The following LAMB4 variants were observed in gnomAD, a reference collection of about 807,000 sequenced individuals.
LAMB4 encodes laminin subunit beta 4.
In LAMB4, 196 loss-of-function variants were observed where a neutral mutation model predicts 199.2. The ratio of observed to expected loss-of-function variants is 0.98; its 90% confidence interval spans 0.88 to 1.11. The LOEUF (loss-of-function observed/expected upper bound fraction) is 1.11. LAMB4 is among the 50% of genes least tolerant of loss of function. The pLI is 0.00. For synonymous variants in LAMB4, 744 were observed against 770.6 expected (o/e 0.97, Z 0.57); for missense variants, 2,080 against 2,171.2 (o/e 0.96, Z 0.83).
In LAMB4 at chr7:108,119,608, A is replaced by C. The variant is rs912731976; in HGVS notation, c.35-3447T>G. Among the ~76,000 whole-genome samples the C allele has an allele frequency of 8.5e-5, 13 of 152,158 alleles. 1 individual carries two copies. Among genetic ancestry groups the C allele is most frequent in the African/African-American group, 2.4e-4 (10 of 41,422 alleles). ...GATTAGTGGTTGTCAGTGGTTAGGA[A>C]GGCAGAGGGGGAGGGAGGTGGATGT... On this transcript the variant is annotated intron_variant, in intron 2 of 33. Coordinates refer to ENST00000388781, the MANE Select transcript of LAMB4 (RefSeq NM_007356.3).
At position 108,123,151 on chromosome 7, in the gene LAMB4, A is replaced by C. The variant is rs375868390; in HGVS notation, c.14T>G (p.Leu5Arg). Residue 5 changes from leucine (L) to arginine (R), a missense_variant, in exon 2 of 34, where the codon CTG (leucine) becomes CGG (arginine). Leu to Arg is a moderately radical substitution (Grantham distance 102). Coordinates refer to ENST00000388781, the MANE Select transcript of LAMB4 (RefSeq NM_007356.3). ...CTCACCAAGGTGCAAAAAAAGGGTC[A>C]GTTGAAATTGCATTCTTTTGTCAGG... MQFQ[L>R]TLFLHLGWLS... 16 of 1,611,220 alleles carry C rather than the reference A, an allele frequency of 9.9e-6. No individual in the cohort carries two copies. Among genetic ancestry groups the C allele is most frequent in the Admixed American group, 1.7e-5 (1 of 58,992 alleles).
rs754520007 is a variant in LAMB4, at chr7:108,047,952, T to C, written c.4282A>G (p.Ile1428Val). 1 of 1,614,174 alleles carries C rather than the reference T, an allele frequency of 6.2e-7. No individual in the cohort carries two copies. Among genetic ancestry groups the C allele is most frequent in the Non-Finnish European group, 8.5e-7 (1 of 1,180,024 alleles). Residue 1428 changes from isoleucine to valine, a missense_variant, in exon 28 of 34, where the codon ATT (isoleucine) becomes GTT (valine). By Grantham distance (29) the Ile-to-Val change is conservative (BLOSUM62 3). Coordinates refer to ENST00000388781, the MANE Select transcript of LAMB4 (RefSeq NM_007356.3). ...ALQKAQEAKS[I>V]IRNLDKQVRG... ...ACCTGTTTGTCCAAATTACGAATAA[T>C]GGATTTTGCTTCCTGGGCTTTTTGG...
chr7:108,044,822 G>A (rs969154862), intron 28 of LAMB4, among the ~76,000 whole-genome samples: 3 of 151,692 alleles, frequency 2.0e-5, no homozygotes, highest in Admixed American at 6.6e-5. Flanking sequence ...GCATGGTGGC[G>A]CATGCCTGTA....
At chr7:108,031,904 A>G (rs988106989) in intron 31 of LAMB4, among the ~76,000 whole-genome samples, 1 of 152,162 alleles carries the variant, frequency 6.6e-6, no homozygotes, top group African/African-American at 2.4e-5. Context: ...TAGAAGTCCT[A>G]TTTAAATATT....
At chr7:108,014,310 A>G in the LAMB4 span, among the ~76,000 whole-genome samples, 1 of 152,196 alleles carries the variant, frequency 6.6e-6, no homozygotes, top group African/African-American at 2.4e-5. Flanking sequence ...ACTTTCTAGA[A>G]ACTAGAGTTC....
intron 33 of LAMB4, chr7:108,026,621 A>G: frequency 5.0e-6 from 1 of 199,754 alleles, no homozygotes; most frequent in Non-Finnish European, 1.0e-5. Flanking sequence ...GACTGAGACA[A>G]CTCCACTTCT....
In LAMB4 at chr7:108,105,802, G is replaced by C. The variant is rs1459249834; in HGVS notation, c.870+15C>G. On this transcript the variant is annotated intron_variant, in intron 8 of 33. Transcript: ENST00000388781. ...AGGTAGGACAGCCCACTGTTCTTTT[G>C]GATTAATAACTCACCATTCCAGGAG... is the stretch of plus-strand genomic sequence containing the variant. 11 of 1,611,314 alleles carry C rather than the reference G, an allele frequency of 6.8e-6. No homozygotes were observed. The highest frequency in any genetic ancestry group is 9.3e-6 in the Non-Finnish European group (11 of 1,177,508).
At chr7:108,017,987 T>C in the LAMB4 span, among the ~76,000 whole-genome samples, 1 of 152,244 alleles carries the variant, frequency 6.6e-6, no homozygotes, top group African/African-American at 2.4e-5. Flanking sequence ...ACCATGCTCT[T>C]CGCATTTATC....
Position 108,065,917 on chromosome 7 carries a change from C to CA in LAMB4, c.2680dup (p.Cys894LeufsTer3). The stretch of plus-strand genomic sequence containing the variant: ...AGGATTTCCATAGTAACCATCAATA[C>CA]ACCTGTCAAGACAATTTCCTTTCAC... On this transcript the variant is annotated frameshift_variant and splice_region_variant, in exon 21 of 34. Transcript: ENST00000388781. LOFTEE classifies it high-confidence loss of function. 1 of 1,611,866 alleles carries CA rather than the reference C, an allele frequency of 6.2e-7. No homozygotes were observed. Among genetic ancestry groups the CA allele is most frequent in the Non-Finnish European group, 8.5e-7 (1 of 1,179,244 alleles).
chr7:108,126,365 A>G (rs1307224470), intron 1 of LAMB4, among the ~76,000 whole-genome samples: 2 of 152,118 alleles, frequency 1.3e-5, no homozygotes, highest in Non-Finnish European at 2.9e-5. Context: ...CCATTAAACA[A>G]GAAGTCTTCA....
At chr7:108,094,046 G>T (rs1029515528) in intron 12 of LAMB4, among the ~76,000 whole-genome samples, 3 of 152,234 alleles carry the variant, frequency 2.0e-5, no homozygotes, top group Non-Finnish European at 4.4e-5. Context: ...CACCATCAGA[G>T]AGATGTGGAT....
chr7:108,079,340 A>G (rs1379994530), intron 15 of LAMB4, among the ~76,000 whole-genome samples: 1 of 152,218 alleles, frequency 6.6e-6, no homozygotes, highest in East Asian at 1.9e-4. Context: ...TTATACAAAC[A>G]GTCACCACTT....
chr7:108,033,071 A>G (rs1271840792), intron 31 of LAMB4, among the ~76,000 whole-genome samples: 2 of 152,174 alleles, frequency 1.3e-5, no homozygotes, highest in Non-Finnish European at 2.9e-5. Context: ...TTGGTTCACC[A>G]TATTTTTAGA....
At chr7:108,027,998 G>A (rs1180549024) in intron 33 of LAMB4, among the ~76,000 whole-genome samples, 1 of 152,062 alleles carries the variant, frequency 6.6e-6, no homozygotes, top group Non-Finnish European at 1.5e-5. Flanking sequence ...TGGCCAGGCT[G>A]GTCTCAAACT....
intron 12 of LAMB4, among the ~76,000 whole-genome samples, chr7:108,094,578 T>G (rs553592823): frequency 8.7e-4 from 51 of 58,690 alleles, no homozygotes; most frequent in African/African-American, 2.0e-3. Context: ...ATTTTGTGGG[T>G]TTTTTTTTTT....
At chr7:108,089,715 TACAGTGGTGCGACCACAGCTC>T (rs2037325098) in intron 14 of LAMB4, among the ~76,000 whole-genome samples, 1 of 152,146 alleles carries the variant, frequency 6.6e-6, no homozygotes, top group Non-Finnish European at 1.5e-5. Context: ...TAGGCTAGAG[TACAGTGGTGCGACCACAGCTC>T]ACTGCAGCCT....
chr7:108,081,809 G>A (rs183275639), intron 14 of LAMB4, among the ~76,000 whole-genome samples: 46 of 152,304 alleles, frequency 3.0e-4, no homozygotes, highest in African/African-American at 9.6e-4. Flanking sequence ...AAAGATATGG[G>A]AGGCATCTGC....
At chr7:108,049,553 TA>T (rs2150523289) in intron 26 of LAMB4, 22 bp from the exon 27 acceptor site, 1 of 1,414,258 alleles carries the variant, frequency 7.1e-7, no homozygotes, top group Non-Finnish European at 9.7e-7. Flanking sequence ...CAAATTGAAG[TA>T]AGGTAAATTT....
the LAMB4 span, among the ~76,000 whole-genome samples, chr7:108,013,388 A>G: frequency 6.6e-6 from 1 of 152,186 alleles, no homozygotes; most frequent in Non-Finnish European, 1.5e-5. Context: ...AGCATATCAC[A>G]TGTTTCACTT....
Sources: gnomAD v4.1 joint callset for allele counts (sites outside exome capture counted in the v4.1 genomes callset) on GRCh38, gnomAD v4.1.1 for gene constraint, MANE v1.5 for transcripts, NCBI Gene and HGNC (gene_info 2026-07-23, HGNC 2026-07-21) for gene names.